B4GALNT1: variants seen among roughly 807,000 people sequenced by gnomAD.
B4GALNT1 encodes the protein beta-1,4-N-acetyl-galactosaminyltransferase 1.
In B4GALNT1, 43 loss-of-function variants were observed where a neutral mutation model predicts 55.2. The ratio of observed to expected loss-of-function variants is 0.78; its 90% CI spans 0.61 to 1.00. The LOEUF is 1.00. Ranked by LOEUF, B4GALNT1 falls within the 50% of genes least tolerant of loss-of-function variation. The probability of loss-of-function intolerance (pLI) is 0.00; values close to 1 mark genes in which losing one functional copy is unlikely to be tolerated. For missense variants in B4GALNT1, 664 were observed against 729.7 expected (o/e 0.91, Z 1.04); for synonymous variants, 305 against 311.6 (o/e 0.98, Z 0.22).
chr12:57,624,742 T>G lies in B4GALNT1; in HGVS notation c.*2002A>C. The G allele has an allele frequency of 1.1e-6, 1 of 910,458 alleles. No homozygotes were observed. The highest frequency in any genetic ancestry group is 1.3e-5 in the South Asian group (1 of 76,300). The allele number at this position is 910,458 out of a possible 1,614,324, so 56.4% of individuals were successfully genotyped here. On this transcript the variant is annotated 3_prime_UTR_variant, in exon 11 of 11. Transcript: ENST00000341156. Reference sequence around the variant, plus strand: ...TCCCTAGGGTGTAGTGCCTGGCACTTGGACAGGCTGAGGGGACAGAGCTCT... The same window carrying G: ...TCCCTAGGGTGTAGTGCCTGGCACTGGGACAGGCTGAGGGGACAGAGCTCT...
Position 57,630,998 on chromosome 12 carries a change from T to C in B4GALNT1, c.472A>G (p.Arg158Gly). 1 of 1,613,058 alleles carries C rather than the reference T, an allele frequency of 6.2e-7. No individual in the cohort carries two copies. Among genetic ancestry groups the C allele is most frequent in the South Asian group, 1.1e-5 (1 of 91,052 alleles). ...TCCCTACCTGGCACCAAGATGCTCC[T>C]GAGGGGCTGAACTTCCACACCCTGT... is the stretch of plus-strand genomic sequence containing the variant. Reference protein sequence around the residue: ...PLQGVEVQPLRSILVPGLSLQ... With the variant: ...PLQGVEVQPLGSILVPGLSLQ... The change falls in exon 4 of 11, where the codon AGG becomes GGG. Residue 158 changes from arginine to glycine, a missense_variant. By Grantham distance (125) the Arg-to-Gly change is moderately radical (BLOSUM62 -2). Transcript: ENST00000341156.
chr12:57,627,999 G>A, intron 9 of B4GALNT1, 123 bp downstream of exon 9: 1 of 1,493,340 alleles, frequency 6.7e-7, no homozygotes, highest in South Asian at 1.3e-5. Flanking sequence ...ACAGTTCCCA[G>A]GCCCCACTTC....
chr12:57,625,548 TAGGGTCTC>T lies in B4GALNT1; in HGVS notation c.*1188_*1195del, dbSNP rs780889393. On this transcript the variant is annotated 3_prime_UTR_variant, in exon 11 of 11. Transcript: ENST00000341156. ...TAGGGAAAAGGACCCGGTGTGGACT[TAGGGTCTC>T]AGAGTCTGACACCCTCCCCACATAG... is the stretch of plus-strand genomic sequence containing the variant. 1.2e-6 allele frequency: 2 copies of T among 1,610,370 alleles called. No homozygotes were observed. The highest frequency in any genetic ancestry group is 1.7e-6 in the Non-Finnish European group (2 of 1,177,554).
At chr12:57,629,800 G>A (rs1885077770) in intron 6 of B4GALNT1, 3 of 1,439,922 alleles carry the variant, frequency 2.1e-6, no homozygotes, top group South Asian at 1.5e-5. Flanking sequence ...TTTGCTGGAA[G>A]AGAAATGGGA....
chr12:57,630,702 G>C (rs752726562), intron 4 of B4GALNT1, among the ~76,000 whole-genome samples, 184 bp from the exon 5 acceptor site: 1 of 152,216 alleles, frequency 6.6e-6, no homozygotes, highest in Non-Finnish European at 1.5e-5. Context: ...TCCCGTCAAA[G>C]CTTGCCCTAT....
Position 57,626,912 on chromosome 12 carries a change from G to A in B4GALNT1, c.1434C>T (p.Asp478=), listed in dbSNP as rs1060504132. The change falls in exon 11 of 11, where the codon GAC becomes GAT. Residue 478 remains aspartate, a synonymous_variant. Transcript: ENST00000341156. Reference sequence around the variant, plus strand: ...GTTTGGATGCATGATCCACCACGACGTCGGAGCAGGAGCCAACCCGAAGGG... The same window carrying A: ...GTTTGGATGCATGATCCACCACGACATCGGAGCAGGAGCCAACCCGAAGGG... ...LGSLRVGSCS[D]VVVDHASKLK... 2 of 1,614,210 alleles carry A rather than the reference G, an allele frequency of 1.2e-6. No individual in the cohort carries two copies. Among genetic ancestry groups the A allele is most frequent in the Non-Finnish European group, 1.7e-6 (2 of 1,180,032 alleles).
rs760759176 is a variant in B4GALNT1 at position 57,625,244 on chromosome 12, C to G, written c.*1500G>C. 11 of 1,614,082 alleles carry G rather than the reference C, an allele frequency of 6.8e-6. No individual in the cohort carries two copies. In the Admixed American group the frequency reaches 1.7e-4, roughly 24 times the overall value. On this transcript the variant is annotated 3_prime_UTR_variant, in exon 11 of 11. Coordinates refer to ENST00000341156, the MANE Select transcript of B4GALNT1 (RefSeq NM_001478.5). ...GTCTTCTCCCATTCTAGTTGCTGAG[C>G]CTGTCAGGGTGGTGGTCCTAGACTT...
Position 57,624,036 on chromosome 12 carries a change from C to G in B4GALNT1, c.*2708G>C. 1 of 1,612,148 alleles carries G rather than the reference C, an allele frequency of 6.2e-7. No homozygotes were observed. Among genetic ancestry groups the G allele is most frequent in the East Asian group, 2.2e-5 (1 of 44,874 alleles). On this transcript the variant is annotated 3_prime_UTR_variant, in exon 11 of 11. Transcript: ENST00000341156. ...GGCTTGCATCAACATCTCCAGCATG[C>G]GCCAGGTGTTCTGCCAGATGCAGGA...
Position 57,625,686 on chromosome 12 carries a change from C to A in B4GALNT1, c.*1058G>T. The A allele has an allele frequency of 6.4e-7, 1 of 1,572,532 alleles. No individual in the cohort carries two copies. Among genetic ancestry groups the A allele is most frequent in the South Asian group, 1.2e-5 (1 of 83,050 alleles). On this transcript the variant is annotated 3_prime_UTR_variant, in exon 11 of 11. Coordinates refer to ENST00000341156, the MANE Select transcript of B4GALNT1 (RefSeq NM_001478.5). ...TGCAGCTGCTTATGCCCTGGGGAGC[C>A]TGTTAAGGGGCAGTAGCACCAGGAG...
Position 57,627,733 on chromosome 12 carries a change from G to C in B4GALNT1, c.1269C>G (p.Leu423=). The change falls in exon 10 of 11, where the codon CTC becomes CTG. Residue 423 remains leucine (L), a synonymous_variant. Transcript: ENST00000341156. ...LRQRRGFHHE[L]VGFPGCVVTD... ...TGACCACGCAGCCTGGGAAGCCGACGAGCTCGTGGTGGAAGCCGCGCCTTT... is the reference window on the plus strand; with the variant it reads ...TGACCACGCAGCCTGGGAAGCCGACCAGCTCGTGGTGGAAGCCGCGCCTTT... 1 of 1,611,652 alleles carries C rather than the reference G, an allele frequency of 6.2e-7. No homozygotes were observed. The highest frequency in any genetic ancestry group is 8.5e-7 in the Non-Finnish European group (1 of 1,178,830).
At chr12:57,632,244 C>T in intron 1 of B4GALNT1, 111 bp from the exon 2 acceptor site, 2 of 1,017,680 alleles carry the variant, frequency 2.0e-6, no homozygotes, top group Non-Finnish European at 3.0e-6. Context: ...CAAGAGCGCT[C>T]TCCACTCCAC....
chr12:57,630,033 C>G, intron 6 of B4GALNT1, 119 bp downstream of exon 6: 1 of 1,577,612 alleles, frequency 6.3e-7, no homozygotes, highest in Non-Finnish European at 8.6e-7. Context: ...CATTGTGTGG[C>G]TGGACAGCTC....
intron 9 of B4GALNT1, 60 bp from the exon 10 acceptor site, chr12:57,627,918 AG>A: frequency 6.7e-7 from 1 of 1,495,422 alleles, no homozygotes; most frequent in African/African-American, 1.4e-5. Flanking sequence ...GAAGGGGTCA[AG>A]GTCTGCGCTC....
Position 57,631,922 on chromosome 12 carries a change from C to T in B4GALNT1, c.211G>A (p.Val71Ile). 12 of 1,423,516 alleles carry T rather than the reference C, an allele frequency of 8.4e-6. No homozygotes were observed. The highest frequency in any genetic ancestry group is 1.7e-5 in the South Asian group (1 of 58,990). The allele number at this position is 1,423,516 out of a possible 1,614,324, so 88.2% of individuals were successfully genotyped here. The change falls in exon 2 of 11, where the codon GTA becomes ATA. Residue 71 changes from valine (V) to isoleucine (I), a missense_variant. Physicochemically the swap from Val to Ile is conservative, Grantham distance 29 (BLOSUM62 3). Transcript: ENST00000341156. ...GCCGCGGTCGGCACTCACCCCACTA[C>T]TTGCTCCTTGATCCTGACCGGGATG... Reference protein sequence around the residue: ...AHIPVRIKEQVVGLLAWNNCS... With the variant: ...AHIPVRIKEQIVGLLAWNNCS...
chr12:57,630,740 T>C (rs1885147987), intron 4 of B4GALNT1, among the ~76,000 whole-genome samples: 1 of 152,172 alleles, frequency 6.6e-6, no homozygotes. Flanking sequence ...ACCTAACCAA[T>C]GGTTAGTCAG....
At position 57,623,922 on chromosome 12, in the gene B4GALNT1, C is replaced by A. The variant is rs911361055; in HGVS notation, c.*2822G>T. 2.1e-5 allele frequency: 34 copies of A among 1,613,788 alleles called. No homozygotes were observed. Among genetic ancestry groups the A allele is most frequent in the Non-Finnish European group, 2.8e-5 (33 of 1,179,920 alleles). ...TTTACTATCTGCCCAAGGTAATGAG[C>A]AGAGGAGGCATGAGCATGGCTGGGA... On this transcript the variant is annotated 3_prime_UTR_variant, in exon 11 of 11. Coordinates refer to ENST00000341156, the MANE Select transcript of B4GALNT1 (RefSeq NM_001478.5).
chr12:57,629,057 G>A lies in B4GALNT1; in HGVS notation c.802C>T (p.Pro268Ser). The A allele has an allele frequency of 6.3e-7, 1 of 1,586,624 alleles. No homozygotes were observed. Among genetic ancestry groups the A allele is most frequent in the Non-Finnish European group, 8.6e-7 (1 of 1,161,932 alleles). Residue 268 changes from proline to serine, a missense_variant, in exon 7 of 11, where the codon CCC becomes TCC. Pro to Ser is a moderately conservative substitution (Grantham distance 74). Transcript: ENST00000341156. ...NPRLYPPGSL[P>S]QGAQYNISAL... ...CCCCTACCAGCCTCACCTCCCTGGGGTAGAGACCCAGGTGGGTACAGCCGA... is the reference window on the plus strand; with the variant it reads ...CCCCTACCAGCCTCACCTCCCTGGGATAGAGACCCAGGTGGGTACAGCCGA...
chr12:57,627,524 G>A, intron 10 of B4GALNT1, 94 bp downstream of exon 10: 2 of 1,453,742 alleles, frequency 1.4e-6, no homozygotes, highest in South Asian at 1.4e-5. Flanking sequence ...CTGGCGGCTG[G>A]GCGCGGGTGC....
chr12:57,632,422 G>A, intron 1 of B4GALNT1: 1 of 531,030 alleles, frequency 1.9e-6, no homozygotes, highest in Non-Finnish European at 3.4e-6. Flanking sequence ...TTTGGATGCC[G>A]CGGTTTCGAC....
Sources: allele counts gnomAD v4.1 joint callset (sites outside exome capture counted in the v4.1 genomes callset), GRCh38; gene constraint gnomAD v4.1.1; transcripts MANE v1.5; gene names NCBI Gene and HGNC (gene_info 2026-07-23, HGNC 2026-07-21).